The following KCNC2 variants were observed in gnomAD, a reference collection of about 807,000 sequenced individuals.
The protein encoded by KCNC2 is potassium voltage-gated channel subfamily C member 2.
Under a neutral mutation model 44.5 loss-of-function variants are expected in KCNC2, and 21 were observed. The observed-to-expected ratio is 0.47, with a 90% confidence interval of 0.33 to 0.68. KCNC2 has a LOEUF of 0.68. Ranked by LOEUF, KCNC2 falls within the 30% of genes least tolerant of loss-of-function variation. KCNC2 has a pLI of 0.01. For missense variants in KCNC2, 589 were observed against 826.2 expected (o/e 0.71, Z 3.52); for synonymous variants, 391 against 339.1 (o/e 1.15, Z -1.68).
chr12:75,055,227 G>A (rs1881613129), intron 2 of KCNC2, among the ~76,000 whole-genome samples: 1 of 152,112 alleles, frequency 6.6e-6, no homozygotes, highest in Non-Finnish European at 1.5e-5. Flanking sequence ...AAGAATAAAT[G>A]AGGAAATGAA....
At chr12:75,138,362 C>G (rs1889379891) in intron 2 of KCNC2, among the ~76,000 whole-genome samples, 1 of 152,046 alleles carries the variant, frequency 6.6e-6, no homozygotes, top group South Asian at 2.1e-4. Context: ...CCAGTTGGAA[C>G]AGGAGAAAAA....
chr12:75,201,726 C>A (rs1321519775), intron 2 of KCNC2, among the ~76,000 whole-genome samples: 2 of 151,866 alleles, frequency 1.3e-5, no homozygotes, highest in African/African-American at 4.8e-5. Context: ...CATCCCTCAA[C>A]CTGCACGGAA....
chr12:75,099,886 G>A (rs1253074081), intron 2 of KCNC2, among the ~76,000 whole-genome samples: 3 of 152,042 alleles, frequency 2.0e-5, no homozygotes. Context: ...ACAAAATGGT[G>A]GTATGACTTG....
At chr12:75,098,399 A>G (rs867043844) in intron 2 of KCNC2, among the ~76,000 whole-genome samples, 21 of 152,246 alleles carry the variant, frequency 1.4e-4, no homozygotes, top group African/African-American at 4.6e-4. Flanking sequence ...AGCCTTTCAA[A>G]CATTCTAAAC....
chr12:75,205,671 A>G (rs534810552), intron 2 of KCNC2, among the ~76,000 whole-genome samples: 1 of 152,294 alleles, frequency 6.6e-6, no homozygotes, highest in East Asian at 1.9e-4. Context: ...AAAGAATCAC[A>G]TGATGGGCCT....
At chr12:75,090,432 A>T (rs927461535) in intron 2 of KCNC2, among the ~76,000 whole-genome samples, 10 of 151,372 alleles carry the variant, frequency 6.6e-5, no homozygotes, top group Admixed American at 6.6e-5. Flanking sequence ...TTCTCACTTT[A>T]ATCCATCTTC....
intron 2 of KCNC2, among the ~76,000 whole-genome samples, chr12:75,205,517 GA>G (rs2031613556): frequency 6.6e-6 from 1 of 152,076 alleles, no homozygotes; most frequent in Non-Finnish European, 1.5e-5. Context: ...ATAAACTATA[GA>G]ATCAAATTTC....
chr12:75,128,176 A>G (rs1050816705), intron 2 of KCNC2, among the ~76,000 whole-genome samples: 1 of 152,180 alleles, frequency 6.6e-6, no homozygotes, highest in Non-Finnish European at 1.5e-5. Flanking sequence ...TTAAATATCT[A>G]AATAAGCCTT....
At chr12:75,200,789 G>A (rs2031181517) in intron 2 of KCNC2, among the ~76,000 whole-genome samples, 2 of 151,814 alleles carry the variant, frequency 1.3e-5, no homozygotes, top group Middle Eastern at 6.8e-3. Context: ...GTGCTAGACA[G>A]CACACTATTT....
chr12:75,202,051 A>T (rs2031326122), intron 2 of KCNC2, among the ~76,000 whole-genome samples: 1 of 151,894 alleles, frequency 6.6e-6, no homozygotes, highest in African/African-American at 2.4e-5. Flanking sequence ...GCAATGATAA[A>T]CATTTTCAAA....
rs1159240538 is a variant in KCNC2 at position 75,051,208 on chromosome 12, T to C, written c.797A>G (p.Asn266Ser). ...IVKNKTEPVI[N>S]GTSVVLQYEI... Reference sequence around the variant, plus strand: ...ATACTGTAGAACAACACTTGTGCCATTGATGACTGGTTCTGTCTTGTTTTT... The same window carrying C: ...ATACTGTAGAACAACACTTGTGCCACTGATGACTGGTTCTGTCTTGTTTTT... Residue 266 changes from asparagine (N) to serine (S), a missense_variant, in exon 3 of 5, where the codon AAT becomes AGT. By Grantham distance (46) the Asn-to-Ser change is conservative. Coordinates refer to ENST00000549446, the MANE Select transcript of KCNC2 (RefSeq NM_139137.4). The C allele has an allele frequency of 1.9e-6, 3 of 1,613,270 alleles. No homozygotes were observed. Among genetic ancestry groups the C allele is most frequent in the East Asian group, 2.2e-5 (1 of 44,844 alleles).
chr12:75,143,637 G>T (rs1393689128), intron 2 of KCNC2, among the ~76,000 whole-genome samples: 1 of 152,064 alleles, frequency 6.6e-6, no homozygotes, highest in Admixed American at 6.6e-5. Flanking sequence ...GGTTCTAATA[G>T]AAATCCCTGA....
chr12:75,088,734 A>C (rs372485048), intron 2 of KCNC2, among the ~76,000 whole-genome samples: 1 of 151,974 alleles, frequency 6.6e-6, no homozygotes, highest in African/African-American at 2.4e-5. Context: ...TCAGTTTCCA[A>C]TGGTGTTTTT....
At chr12:75,152,743 G>T (rs945895010) in intron 2 of KCNC2, among the ~76,000 whole-genome samples, 7 of 151,938 alleles carry the variant, frequency 4.6e-5, no homozygotes, top group African/African-American at 1.7e-4. Flanking sequence ...TAAGTTGTTG[G>T]AAGGGCCATA....
intron 2 of KCNC2, among the ~76,000 whole-genome samples, chr12:75,188,191 G>A (rs999752556): frequency 1.3e-5 from 2 of 152,060 alleles, no homozygotes; most frequent in African/African-American, 2.4e-5. Flanking sequence ...AGGAGTTATC[G>A]ATCTTTATTT....
In KCNC2 at chr12:75,207,274, G is replaced by T; in HGVS notation, c.687+23C>A. ...AGTTGGGAGAAGTTGAAGCAGCAGGGAAGGGGTCGATTCTGGCCTTACCCT... is the reference window on the plus strand; with the variant it reads ...AGTTGGGAGAAGTTGAAGCAGCAGGTAAGGGGTCGATTCTGGCCTTACCCT... On this transcript the variant is annotated intron_variant, in intron 2 of 4. Transcript: ENST00000549446. This position sits in a 1 kb window ranked among gnomAD's most constrained non-coding sequence, Gnocchi z 4.1. The T allele has an allele frequency of 6.6e-7, 1 of 1,516,916 alleles. No individual in the cohort carries two copies. The highest frequency in any genetic ancestry group is 8.8e-7 in the Non-Finnish European group (1 of 1,137,288). The allele number at this position is 1,516,916 out of a possible 1,614,324, so 94.0% of individuals were successfully genotyped here.
chr12:75,154,568 C>A (rs1250397192), intron 2 of KCNC2, among the ~76,000 whole-genome samples: 1 of 151,950 alleles, frequency 6.6e-6, no homozygotes, highest in Non-Finnish European at 1.5e-5. Context: ...AGATAAGCTA[C>A]AATAAATCAG....
At chr12:75,155,588 A>G (rs1234934708) in intron 2 of KCNC2, among the ~76,000 whole-genome samples, 5 of 151,878 alleles carry the variant, frequency 3.3e-5, no homozygotes, top group Admixed American at 3.3e-4. Flanking sequence ...ATTAGTAAAA[A>G]TTAATATCTA....
intron 2 of KCNC2, among the ~76,000 whole-genome samples, chr12:75,108,003 A>G (rs1432931271): frequency 6.6e-6 from 1 of 152,226 alleles, no homozygotes; most frequent in Non-Finnish European, 1.5e-5. Flanking sequence ...TTAAAAATAA[A>G]AAGTCACAAA....
Sources: allele counts gnomAD v4.1 joint callset (sites outside exome capture counted in the v4.1 genomes callset), GRCh38; gene constraint gnomAD v4.1.1; non-coding constraint Gnocchi (gnomAD v3.1); transcripts MANE v1.5; gene names NCBI Gene and HGNC (gene_info 2026-07-23, HGNC 2026-07-21).